The following ARID1B variants were observed in gnomAD, a reference collection of about 807,000 sequenced individuals.
ARID1B encodes the protein AT-rich interaction domain 1B, also known as AT-rich interactive domain-containing protein 1B.
A neutral mutation model predicts 212.3 loss-of-function variants in ARID1B; 30 were observed. The observed-to-expected ratio is 0.14, with a 90% CI of 0.11 to 0.19. The LOEUF (loss-of-function observed/expected upper bound fraction) is 0.19. Ranked by LOEUF, ARID1B falls within the 10% of genes least tolerant of loss-of-function variation. ARID1B has a pLI of 1.00. For missense variants in ARID1B, 2,891 were observed against 3,204.0 expected (o/e 0.90, Z 2.36); for synonymous variants, 1,402 against 1,301.7 (o/e 1.08, Z -1.66).
chr6:157,045,904 G>A (rs1782206238), intron 4 of ARID1B, among the ~76,000 whole-genome samples: 3 of 152,094 alleles, frequency 2.0e-5, no homozygotes. Context: ...AGATTCAAGG[G>A]GGTGTGGGGA....
At chr6:157,109,644 T>C (rs1293962596) in intron 5 of ARID1B, among the ~76,000 whole-genome samples, 1 of 152,208 alleles carries the variant, frequency 6.6e-6, no homozygotes, top group African/African-American at 2.4e-5. Flanking sequence ...CTGATGATTT[T>C]TAAATTTCAA....
intron 1 of ARID1B, among the ~76,000 whole-genome samples, chr6:156,826,777 A>G (rs1414566645): frequency 6.6e-6 from 1 of 151,942 alleles, no homozygotes; most frequent in African/African-American, 2.4e-5. Context: ...CCTTCACCTG[A>G]CTGCATTCCT....
rs140308251 is a variant in ARID1B at position 157,174,205 on chromosome 6, T to C, written c.3345+88T>C. On this transcript the variant is annotated intron_variant, in intron 10 of 19. Transcript: ENST00000636930. ...TCTCTTCACTGGTGTTGGCCGACAC[T>C]TTTTTTTCATTTGGTCTCCTCTGCA... is the stretch of plus-strand genomic sequence containing the variant. 4 of 1,123,990 alleles carry C rather than the reference T, an allele frequency of 3.6e-6. No individual in the cohort carries two copies. The East Asian group carries it at 7.3e-5, about 20-fold the overall frequency. The allele number at this position is 1,123,990 out of a possible 1,614,324, so 69.6% of individuals were successfully genotyped here.
chr6:157,045,434 G>A (rs1782167276), intron 4 of ARID1B, among the ~76,000 whole-genome samples: 1 of 152,034 alleles, frequency 6.6e-6, no homozygotes, highest in Non-Finnish European at 1.5e-5. Context: ...ATTAACTCTG[G>A]TTCTTCTCTA....
At chr6:156,921,427 C>T (rs1331057510) in intron 3 of ARID1B, among the ~76,000 whole-genome samples, 1 of 141,902 alleles carries the variant, frequency 7.0e-6, no homozygotes, top group East Asian at 2.1e-4. Flanking sequence ...AGTAATAGCA[C>T]TTGATGGGAA....
chr6:157,182,002 C>T (rs1365962447), intron 12 of ARID1B, among the ~76,000 whole-genome samples: 2 of 152,186 alleles, frequency 1.3e-5, no homozygotes, highest in South Asian at 2.1e-4. Context: ...AATCCCAGCA[C>T]TTTGGGAAGC....
intron 5 of ARID1B, chr6:157,108,091 CTA>C (rs1393688613): frequency 6.6e-6 from 1 of 152,100 alleles, no homozygotes; most frequent in Admixed American, 6.6e-5. Flanking sequence ...AGTTATGAAA[CTA>C]TGGTAGAAAG....
At chr6:156,785,430 GA>G (rs1162947576) in intron 1 of ARID1B, among the ~76,000 whole-genome samples, 21 of 152,166 alleles carry the variant, frequency 1.4e-4, no homozygotes, top group Admixed American at 1.4e-3. Context: ...CTCTGGAAGG[GA>G]AGCCATATTT....
In ARID1B at chr6:157,198,978, C is replaced by G. The variant is rs1004957909; in HGVS notation, c.4479+71C>G. 4.8e-6 allele frequency: 6 copies of G among 1,261,604 alleles called. No individual in the cohort carries two copies. In the African/African-American group the frequency reaches 9.0e-5, roughly 19 times the overall value. The allele number at this position is 1,261,604 out of a possible 1,614,324, so 78.2% of individuals were successfully genotyped here. On this transcript the variant is annotated intron_variant, in intron 17 of 19. Coordinates refer to ENST00000636930, the MANE Select transcript of ARID1B (RefSeq NM_001374828.1). The stretch of plus-strand genomic sequence containing the variant: ...CCTGGAGGCTAAAACTCAAACTTGT[C>G]TTACTTCTGAAGATTTTCAGACATC...
chr6:156,856,816 G>C (rs1156720623), intron 2 of ARID1B, among the ~76,000 whole-genome samples: 2 of 41,144 alleles, frequency 4.9e-5, no homozygotes, highest in Non-Finnish European at 1.1e-4. Flanking sequence ...GTCATATTTT[G>C]TTGAAACTGT....
At chr6:156,806,406 C>G (rs980201378) in intron 1 of ARID1B, among the ~76,000 whole-genome samples, 1 of 152,224 alleles carries the variant, frequency 6.6e-6, no homozygotes, top group Non-Finnish European at 1.5e-5. Context: ...TTCCTGCTCT[C>G]TACGTGTCCT....
rs966691923 is a variant in ARID1B, at chr6:156,792,205, G to C, written c.1791+12734G>C. Among the ~76,000 whole-genome samples the C allele has an allele frequency of 7.9e-5, 12 of 152,202 alleles. No homozygotes were observed. The East Asian group carries it at 2.1e-3, about 27-fold the overall frequency. On this transcript the variant is annotated intron_variant, in intron 1 of 19. Coordinates refer to ENST00000636930, the MANE Select transcript of ARID1B (RefSeq NM_001374828.1). ...TTCTTTATTTGAGAGGCAAGAATGA[G>C]AAGCAGCATATCCATAAGAGTTTTG...
intron 4 of ARID1B, among the ~76,000 whole-genome samples, chr6:157,002,709 A>AT (rs1330363725): frequency 6.6e-6 from 1 of 152,160 alleles, no homozygotes; most frequent in Non-Finnish European, 1.5e-5. Flanking sequence ...CATTCAGCCC[A>AT]TTTTTGTTGA....
At chr6:157,105,227 G>A (rs1786369745) in intron 5 of ARID1B, among the ~76,000 whole-genome samples, 1 of 152,114 alleles carries the variant, frequency 6.6e-6, no homozygotes. Flanking sequence ...AAGAAAACTA[G>A]GGTGAATTCC....
At chr6:156,830,334 G>C (rs899269838) in intron 2 of ARID1B, among the ~76,000 whole-genome samples, 1 of 152,180 alleles carries the variant, frequency 6.6e-6, no homozygotes, top group Admixed American at 6.5e-5. Flanking sequence ...TGGTGCGGCC[G>C]TCGGTAACCC....
chr6:156,956,628 C>T (rs1253574332), intron 4 of ARID1B, among the ~76,000 whole-genome samples: 3 of 152,056 alleles, frequency 2.0e-5, no homozygotes, highest in Non-Finnish European at 2.9e-5. Flanking sequence ...AATGAGATTT[C>T]CATTCAGTGT....
At chr6:156,801,231 C>T (rs1382158021) in intron 1 of ARID1B, among the ~76,000 whole-genome samples, 5 of 136,836 alleles carry the variant, frequency 3.7e-5, no homozygotes, top group East Asian at 4.2e-4. Flanking sequence ...GGCGGAGTCT[C>T]GCTCTGTTGC....
intron 6 of ARID1B, among the ~76,000 whole-genome samples, chr6:157,122,596 C>G (rs999769246): frequency 6.6e-6 from 1 of 152,224 alleles, no homozygotes; most frequent in Non-Finnish European, 1.5e-5. Context: ...TACCCTCACA[C>G]AAGCTCTGGG....
chr6:157,120,718 A>G (rs917210653), intron 6 of ARID1B, among the ~76,000 whole-genome samples: 1 of 152,168 alleles, frequency 6.6e-6, no homozygotes, highest in Non-Finnish European at 1.5e-5. Context: ...AGCAGCTTTT[A>G]TTGAACTGGC....
Sources: gnomAD v4.1 joint callset for allele counts (sites outside exome capture counted in the v4.1 genomes callset) on GRCh38, gnomAD v4.1.1 for gene constraint, MANE v1.5 for transcripts, NCBI Gene and HGNC (gene_info 2026-07-23, HGNC 2026-07-21) for gene names.